Variants in RASA2 observed in about 807,000 individuals in gnomAD.
RASA2 encodes the protein ras GTPase-activating protein 2.
Under a neutral mutation model 118.2 loss-of-function variants are expected in RASA2, and 155 were observed. The observed-to-expected ratio is 1.31, with a 90% CI of 1.15 to 1.50. The LOEUF is 1.50. RASA2 is among the 40% of genes most tolerant of loss of function. The pLI is 0.00. For missense variants in RASA2, 1,016 were observed against 1,009.6 expected, an observed-to-expected ratio of 1.01 and a Z score of -0.09; for synonymous variants, 353 against 349.1, an observed-to-expected ratio of 1.01 and a Z score of -0.12.
chr3:141,520,719 C>T (rs1337387193), intron 3 of RASA2, among the ~76,000 whole-genome samples: 1 of 151,924 alleles, frequency 6.6e-6, no homozygotes, highest in Non-Finnish European at 1.5e-5. Flanking sequence ...CAGTTATATA[C>T]ACACGCAGAT....
intron 1 of RASA2, among the ~76,000 whole-genome samples, chr3:141,489,113 G>A (rs374622552): frequency 6.6e-6 from 1 of 152,312 alleles, no homozygotes; most frequent in Non-Finnish European, 1.5e-5. Flanking sequence ...TCCAGCTGCT[G>A]GGAATGATAT....
At chr3:141,539,234 A>T (rs1417403622) in intron 4 of RASA2, among the ~76,000 whole-genome samples, 3 of 152,228 alleles carry the variant, frequency 2.0e-5, no homozygotes, top group African/African-American at 7.2e-5. Context: ...TACAAATTAT[A>T]TATGATTTTA....
chr3:141,549,961 G>C (rs566200469), intron 5 of RASA2, among the ~76,000 whole-genome samples: 2 of 152,212 alleles, frequency 1.3e-5, no homozygotes, highest in East Asian at 3.9e-4. Flanking sequence ...AAAACTTATA[G>C]AATAAAATAA....
rs143163827 is a variant in RASA2 at position 141,594,249 on chromosome 3, C to G, written c.1933+7497C>G. ...GAACCAATCTAGAACACAGAAAAGA[C>G]TTGGGGGAAATGAACAAAACCTCAG... On this transcript the variant is annotated intron_variant, in intron 19 of 23. Transcript: ENST00000286364. 4.4e-3 allele frequency among the ~76,000 whole-genome samples: 672 copies of G among 152,000 alleles called. 5 individuals carry two copies. The highest frequency in any genetic ancestry group is 0.015 in the African/African-American group (635 of 41,444).
At chr3:141,516,856 C>G (rs553619119) in intron 3 of RASA2, among the ~76,000 whole-genome samples, 197 of 152,082 alleles carry the variant, frequency 1.3e-3, no homozygotes, top group Non-Finnish European at 2.4e-3. Flanking sequence ...TCACTGCAAC[C>G]TCTACTTCCC....
chr3:141,610,128 G>A, intron 23 of RASA2, 62 bp downstream of exon 23: 2 of 1,375,944 alleles, frequency 1.5e-6, no homozygotes, highest in South Asian at 1.5e-5. Flanking sequence ...TGCCTCTCCT[G>A]CCCCAACCTC....
At chr3:141,583,785 A>G (rs1214579442) in intron 17 of RASA2, among the ~76,000 whole-genome samples, 1 of 152,226 alleles carries the variant, frequency 6.6e-6, no homozygotes, top group East Asian at 1.9e-4. Flanking sequence ...TAGAATAGGC[A>G]CTGGAGCCTC....
At chr3:141,496,158 A>C (rs1399239350) in intron 1 of RASA2, among the ~76,000 whole-genome samples, 1 of 152,244 alleles carries the variant, frequency 6.6e-6, no homozygotes, top group Non-Finnish European at 1.5e-5. Context: ...ACCTTGTACA[A>C]AAATTAATTC....
chr3:141,507,416 A>G (rs112350527), intron 1 of RASA2, among the ~76,000 whole-genome samples: 17 of 152,378 alleles, frequency 1.1e-4, no homozygotes, highest in African/African-American at 3.8e-4. Context: ...CTCTAGATCT[A>G]GAAAAAGCCA....
chr3:141,558,747 C>T lies in RASA2; in HGVS notation c.685-139C>T. The T allele has an allele frequency of 2.5e-5, 17 of 667,522 alleles. No individual in the cohort carries two copies. In the South Asian group the frequency reaches 3.4e-4, roughly 13 times the overall value. The allele number at this position is 667,522 out of a possible 1,614,324, so 41.3% of individuals were successfully genotyped here. Reference sequence around the variant, plus strand: ...CTACTTCCATAGTTGCTTTTATATTCAGCTATTGAGTAAAATATTACTTGG... The same window carrying T: ...CTACTTCCATAGTTGCTTTTATATTTAGCTATTGAGTAAAATATTACTTGG... On this transcript the variant is annotated intron_variant, in intron 7 of 23. Transcript: ENST00000286364.
Position 141,495,746 on chromosome 3 carries a change from GAGGC to G in RASA2, c.133+8532_133+8535del, listed in dbSNP as rs111576120. Among the ~76,000 whole-genome samples the G allele has an allele frequency of 2.2e-3, 328 of 152,308 alleles. 4 individuals are homozygous for G. The highest frequency in any genetic ancestry group is 7.5e-3 in the African/African-American group (311 of 41,560). ...CATCAACAGTTGTACATTTAGAGAA[GAGGC>G]ATATACAAAGATATTCAATGTTGCC... is the stretch of plus-strand genomic sequence containing the variant. On this transcript the variant is annotated intron_variant, in intron 1 of 23. Coordinates refer to ENST00000286364, the MANE Select transcript of RASA2 (RefSeq NM_006506.5).
At chr3:141,489,119 G>T (rs2081610639) in intron 1 of RASA2, among the ~76,000 whole-genome samples, 1 of 152,192 alleles carries the variant, frequency 6.6e-6, no homozygotes, top group South Asian at 2.1e-4. Context: ...TGCTGGGAAT[G>T]ATATTACTGC....
At chr3:141,500,907 C>A (rs2151072594) in intron 1 of RASA2, among the ~76,000 whole-genome samples, 1 of 151,846 alleles carries the variant, frequency 6.6e-6, no homozygotes, top group East Asian at 1.9e-4. Context: ...CTATAGAGAA[C>A]CTAGAAGATT....
rs1240602590 is a variant in RASA2 at position 141,615,309 on chromosome 3, T to G, written c.*2996T>G. 1.3e-5 allele frequency: 2 copies of G among 152,024 alleles called. No individual in the cohort carries two copies. The highest frequency in any genetic ancestry group is 4.8e-5 in the African/African-American group (2 of 41,412). 9.4% of individuals were successfully genotyped at this position (152,024 alleles called of 1,614,324 possible). On this transcript the variant is annotated 3_prime_UTR_variant, in exon 24 of 24. Transcript: ENST00000286364. ...AAAAATTAACTTTTGTAACTGTCGC[T>G]TGGAAATAACTCAAATAAATTACAA...
At chr3:141,612,032 A>G (rs1263192741) in intron 23 of RASA2, among the ~76,000 whole-genome samples, 1 of 152,186 alleles carries the variant, frequency 6.6e-6, no homozygotes, top group Non-Finnish European at 1.5e-5. Flanking sequence ...TATTTACCCT[A>G]TACCAGAGTG....
intron 3 of RASA2, among the ~76,000 whole-genome samples, chr3:141,518,610 G>C (rs1577672696): frequency 6.8e-6 from 1 of 147,294 alleles, no homozygotes; most frequent in East Asian, 2.0e-4. Context: ...TCAGTCCTCT[G>C]CTTGCTACTT....
chr3:141,593,084 G>A (rs1244129999), intron 19 of RASA2, among the ~76,000 whole-genome samples: 1 of 152,152 alleles, frequency 6.6e-6, no homozygotes, highest in Non-Finnish European at 1.5e-5. Context: ...TTTCACTCTT[G>A]TTGCCCAGGC....
intron 1 of RASA2, among the ~76,000 whole-genome samples, chr3:141,490,942 G>A (rs1441856297): frequency 6.6e-6 from 1 of 152,118 alleles, no homozygotes; most frequent in Non-Finnish European, 1.5e-5. Flanking sequence ...CACTCCCCAG[G>A]ATCTGGGTCA....
Position 141,487,036 on chromosome 3 carries a change from C to T in RASA2, c.-48C>T. 8.6e-7 allele frequency: 1 copy of T among 1,159,882 alleles called. No individual in the cohort carries two copies. Among genetic ancestry groups the T allele is most frequent in the Non-Finnish European group, 1.1e-6 (1 of 939,232 alleles). 71.8% of individuals were successfully genotyped at this position (1,159,882 alleles called of 1,614,324 possible). On this transcript the variant is annotated 5_prime_UTR_variant, in exon 1 of 24. Transcript: ENST00000286364. ...CCTAGGCCGCTGCTGGGCTCCGCCTCGCCCGGCTACGCAGGCGGCAGGGCT... is the reference window on the plus strand; with the variant it reads ...CCTAGGCCGCTGCTGGGCTCCGCCTTGCCCGGCTACGCAGGCGGCAGGGCT...
Sources: allele counts gnomAD v4.1 joint callset (sites outside exome capture counted in the v4.1 genomes callset), GRCh38; gene constraint gnomAD v4.1.1; transcripts MANE v1.5; gene names NCBI Gene and HGNC (gene_info 2026-07-23, HGNC 2026-07-21).